The following SNX4 variants were observed in gnomAD, a reference collection of about 807,000 sequenced individuals.
The protein encoded by SNX4 is sorting nexin-4.
In SNX4, 49 loss-of-function variants were observed where a neutral mutation model predicts 70.8. The observed-to-expected ratio is 0.69, with a 90% confidence interval of 0.55 to 0.88. SNX4 has a LOEUF of 0.88. Among genes scored for constraint, SNX4 ranks in the 40% least tolerant of loss-of-function variants. The pLI is 0.00. For missense variants in SNX4, 528 were observed against 544.8 expected (o/e 0.97, Z 0.31); for synonymous variants, 206 against 183.8 (o/e 1.12, Z -0.98).
At chr3:125,497,727 A>AT (rs1384504386) in intron 4 of SNX4, 107 bp downstream of exon 4, 4 of 761,290 alleles carry the variant, frequency 5.3e-6, no homozygotes, top group Non-Finnish European at 8.1e-6. Flanking sequence ...CAAAAAATAA[A>AT]TTGCATATAA....
intron 1 of SNX4, among the ~76,000 whole-genome samples, chr3:125,515,210 G>C (rs1022567564): frequency 4.6e-5 from 7 of 152,028 alleles, no homozygotes; most frequent in African/African-American, 1.7e-4. Context: ...AAATTAGCCA[G>C]GCGTGGTGGC....
chr3:125,489,093 T>C (rs536919693), intron 6 of SNX4, among the ~76,000 whole-genome samples: 1 of 152,336 alleles, frequency 6.6e-6, no homozygotes, highest in South Asian at 2.1e-4. Context: ...GAGCTGTGCA[T>C]ATTTAACAAG....
At chr3:125,518,638 C>T (rs1001654826) in intron 1 of SNX4, among the ~76,000 whole-genome samples, 1 of 152,110 alleles carries the variant, frequency 6.6e-6, no homozygotes, top group African/African-American at 2.4e-5. Flanking sequence ...TATTGTGAGG[C>T]CCAGGTGGGC....
rs1036236974 is a variant in SNX4, at chr3:125,497,291, A to T, written c.597+50T>A. The T allele has an allele frequency of 5.0e-6, 6 of 1,207,788 alleles. No individual in the cohort carries two copies. In the African/African-American group the frequency reaches 9.1e-5, roughly 18 times the overall value. The allele number at this position is 1,207,788 out of a possible 1,614,324, so 74.8% of individuals were successfully genotyped here. On this transcript the variant is annotated intron_variant, in intron 5 of 13. Transcript: ENST00000251775. ...AAGTTCCCAATGAGTGCATGGCACC[A>T]TGCTGGGAACTGTAAAGGAACATGG...
intron 8 of SNX4, among the ~76,000 whole-genome samples, chr3:125,473,333 C>T (rs1295649649): frequency 1.3e-5 from 2 of 152,264 alleles, no homozygotes; most frequent in South Asian, 2.1e-4. Context: ...TAGGACATAA[C>T]ATCATACCAC....
intron 9 of SNX4, among the ~76,000 whole-genome samples, chr3:125,464,560 CT>C (rs1559811794): frequency 1.1e-5 from 1 of 91,250 alleles, no homozygotes; most frequent in Non-Finnish European, 2.2e-5. Flanking sequence ...ATCTATTTAT[CT>C]TTCTTTTTTT....
intron 1 of SNX4, among the ~76,000 whole-genome samples, chr3:125,505,224 C>A (rs931930094): frequency 6.6e-6 from 1 of 152,198 alleles, no homozygotes; most frequent in Admixed American, 6.5e-5. Flanking sequence ...CCTGCCTTGG[C>A]CTCCCAAAGT....
At chr3:125,480,626 A>G (rs1934388710) in intron 6 of SNX4, among the ~76,000 whole-genome samples, 1 of 152,232 alleles carries the variant, frequency 6.6e-6, no homozygotes, top group Non-Finnish European at 1.5e-5. Flanking sequence ...TTAAGGAGCT[A>G]AAAGATACAT....
Position 125,451,293 on chromosome 3 carries a change from G to A in SNX4, c.1305+12C>T, listed in dbSNP as rs1553724457. The A allele has an allele frequency of 1.3e-5, 20 of 1,587,084 alleles. No individual in the cohort carries two copies. In the South Asian group the frequency reaches 2.0e-4, roughly 16 times the overall value. Reference sequence around the variant, plus strand: ...TATACATATATCTTCACTGAAACAGGAAAAACCCTACCTTTTTGCACATAC... The same window carrying A: ...TATACATATATCTTCACTGAAACAGAAAAAACCCTACCTTTTTGCACATAC... On this transcript the variant is annotated intron_variant, in intron 13 of 13. Transcript: ENST00000251775.
At chr3:125,468,320 C>G (rs746972001) in intron 9 of SNX4, among the ~76,000 whole-genome samples, 37 of 152,290 alleles carry the variant, frequency 2.4e-4, no homozygotes, top group Middle Eastern at 3.4e-3. Context: ...ATGAAATGAT[C>G]TGTACACCAA....
At chr3:125,470,780 AC>A (rs1934149488) in intron 8 of SNX4, among the ~76,000 whole-genome samples, 1 of 152,210 alleles carries the variant, frequency 6.6e-6, no homozygotes, top group African/African-American at 2.4e-5. Context: ...CTAGCCCCAA[AC>A]AGGTCTGTGC....
chr3:125,502,613 G>A lies in SNX4; in HGVS notation c.263+2010C>T, dbSNP rs1167254303. On this transcript the variant is annotated intron_variant, in intron 2 of 13. Coordinates refer to ENST00000251775, the MANE Select transcript of SNX4 (RefSeq NM_003794.4). Reference sequence around the variant, plus strand: ...TGGCCGGATGCGGTGGCTCGTGCCTGTAATCCCAGCACTTTGGGAGGCCGA... The same window carrying A: ...TGGCCGGATGCGGTGGCTCGTGCCTATAATCCCAGCACTTTGGGAGGCCGA... 2.0e-5 allele frequency among the ~76,000 whole-genome samples: 3 copies of A among 151,796 alleles called. No individual in the cohort carries two copies. In the East Asian group the frequency reaches 5.9e-4, roughly 30 times the overall value.
intron 9 of SNX4, among the ~76,000 whole-genome samples, chr3:125,468,070 T>C (rs72977730): frequency 1.3e-5 from 2 of 152,140 alleles, no homozygotes; most frequent in African/African-American, 4.8e-5. Flanking sequence ...TGTAAGAGAA[T>C]AGATGCAGCA....
At chr3:125,484,778 G>A (rs1326085278) in intron 6 of SNX4, among the ~76,000 whole-genome samples, 1 of 152,074 alleles carries the variant, frequency 6.6e-6, no homozygotes, top group Non-Finnish European at 1.5e-5. Context: ...GATCACTTGA[G>A]ACCAGCCTGA....
At chr3:125,500,061 A>G (rs754056664) in intron 2 of SNX4, among the ~76,000 whole-genome samples, 6 of 151,968 alleles carry the variant, frequency 3.9e-5, no homozygotes, top group Non-Finnish European at 8.8e-5. Context: ...ACTCCATCTC[A>G]AGAAAAACAA....
At chr3:125,507,811 C>G (rs1013582141) in intron 1 of SNX4, among the ~76,000 whole-genome samples, 8 of 151,908 alleles carry the variant, frequency 5.3e-5, no homozygotes, top group Non-Finnish European at 1.2e-4. Context: ...TAAGACATTT[C>G]CAGAGGCAGG....
At chr3:125,458,463 C>T (rs1249395506) in intron 10 of SNX4, among the ~76,000 whole-genome samples, 1 of 152,122 alleles carries the variant, frequency 6.6e-6, no homozygotes, top group Non-Finnish European at 1.5e-5. Flanking sequence ...GCCATGTCGC[C>T]TGGCCTAGAA....
intron 4 of SNX4, 65 bp downstream of exon 4, chr3:125,497,769 T>C (rs1009206863): frequency 1.1e-5 from 12 of 1,126,018 alleles, no homozygotes; most frequent in African/African-American, 3.2e-5. Context: ...ATAAGTATTC[T>C]ACAATTTTTT....
At chr3:125,483,021 A>T (rs1934449873) in intron 6 of SNX4, among the ~76,000 whole-genome samples, 1 of 152,134 alleles carries the variant, frequency 6.6e-6, no homozygotes, top group African/African-American at 2.4e-5. Flanking sequence ...ATGGATAGAG[A>T]GGAACAGGAA....
Sources: gnomAD v4.1 joint callset for allele counts (sites outside exome capture counted in the v4.1 genomes callset) on GRCh38, gnomAD v4.1.1 for gene constraint, MANE v1.5 for transcripts, NCBI Gene and HGNC (gene_info 2026-07-23, HGNC 2026-07-21) for gene names.